PTAFR: variants seen among roughly 807,000 people sequenced by gnomAD.
PTAFR encodes the protein platelet activating factor receptor, also known as platelet-activating factor receptor.
Under a neutral mutation model 14.7 loss-of-function variants are expected in PTAFR, and 8 were observed. The ratio of observed to expected loss-of-function variants is 0.54; its 90% CI spans 0.32 to 0.98. The LOEUF is 0.98. PTAFR is among the 50% of genes least tolerant of loss of function. The pLI is 0.04. For missense variants in PTAFR, 337 were observed against 451.2 expected (o/e 0.75, Z 2.29); for synonymous variants, 156 against 176.5 (o/e 0.88, Z 0.92).
chr1:28,189,528 G>A (rs1256673591), intron 1 of PTAFR, among the ~76,000 whole-genome samples: 1 of 151,728 alleles, frequency 6.6e-6, no homozygotes, highest in African/African-American at 2.4e-5. Flanking sequence ...CAGGAGAATC[G>A]CTTGAACCCA....
At chr1:28,162,008 G>A (rs767858379) in intron 1 of PTAFR, among the ~76,000 whole-genome samples, 16 of 152,184 alleles carry the variant, frequency 1.1e-4, no homozygotes, top group Non-Finnish European at 2.2e-4. Context: ...AAAGGTTGGT[G>A]TGGCCCTAGG....
At chr1:28,157,446 T>C (rs1646277539) in intron 1 of PTAFR, among the ~76,000 whole-genome samples, 3 of 150,032 alleles carry the variant, frequency 2.0e-5, no homozygotes, top group Non-Finnish European at 4.5e-5. Context: ...GGATTACGGG[T>C]GTGAGCCACT....
At chr1:28,165,950 A>T (rs1157862816) in intron 1 of PTAFR, among the ~76,000 whole-genome samples, 1 of 152,218 alleles carries the variant, frequency 6.6e-6, no homozygotes, top group African/African-American at 2.4e-5. Flanking sequence ...TTTTACAGAA[A>T]TTTTTTAAAA....
chr1:28,191,764 T>A (rs563129367), intron 1 of PTAFR, among the ~76,000 whole-genome samples: 64 of 150,904 alleles, frequency 4.2e-4, no homozygotes, highest in Non-Finnish European at 6.8e-4. Context: ...TTTTTTTTTT[T>A]AATTAAAAAA....
chr1:28,150,911 C>CA lies in PTAFR; in HGVS notation c.110dup (p.Trp38ValfsTer14). On this transcript the variant is annotated frameshift_variant, in exon 2 of 2. Coordinates refer to ENST00000373857, the MANE Select transcript of PTAFR (RefSeq NM_000952.5). LOFTEE classifies it high-confidence loss of function. This position sits in a 1 kb window ranked among gnomAD's most constrained non-coding sequence, Gnocchi z 6.3. ...AAGGGTACAGGCGGGCAAAGACCCA[C>CA]AGCACGTAGCCATTAGCAATGACCC... 1 of 1,614,038 alleles carries CA rather than the reference C, an allele frequency of 6.2e-7. No homozygotes were observed. Among genetic ancestry groups the CA allele is most frequent in the Non-Finnish European group, 8.5e-7 (1 of 1,179,976 alleles).
intron 1 of PTAFR, among the ~76,000 whole-genome samples, chr1:28,168,033 G>A (rs1396048247): frequency 1.9e-4 from 24 of 129,408 alleles, no homozygotes; most frequent in Non-Finnish European, 2.5e-4. Context: ...ATCTCGGCTC[G>A]CTGCAAGCTC....
intron 1 of PTAFR, among the ~76,000 whole-genome samples, chr1:28,186,726 A>G (rs1234499690): frequency 6.6e-6 from 1 of 152,112 alleles, no homozygotes; most frequent in Non-Finnish European, 1.5e-5. Context: ...GGAGTTCAAG[A>G]TCAGCCTGGG....
At chr1:28,170,577 G>A (rs756840482) in intron 1 of PTAFR, among the ~76,000 whole-genome samples, 41 of 152,094 alleles carry the variant, frequency 2.7e-4, no homozygotes, top group Middle Eastern at 3.2e-3. Context: ...GCCAGGCATG[G>A]TGGCACATGC....
upstream of PTAFR, among the ~76,000 whole-genome samples, chr1:28,180,618 C>T (rs2149005969): frequency 6.6e-6 from 1 of 152,220 alleles, no homozygotes; most frequent in South Asian, 2.1e-4. Context: ...ATCACCAATC[C>T]CACAGTGGGT....
upstream of PTAFR, among the ~76,000 whole-genome samples, chr1:28,177,464 G>A (rs1278820740): frequency 1.3e-5 from 2 of 152,162 alleles, no homozygotes; most frequent in African/African-American, 4.8e-5. Context: ...GTTTTGCCTA[G>A]GTTGGTCTCA....
intron 1 of PTAFR, among the ~76,000 whole-genome samples, chr1:28,162,168 G>T (rs755249571): frequency 6.6e-6 from 1 of 152,166 alleles, no homozygotes; most frequent in African/African-American, 2.4e-5. Context: ...GATCGGACTC[G>T]CTCTAGCTGT....
At chr1:28,161,461 A>C (rs974909398) in intron 1 of PTAFR, among the ~76,000 whole-genome samples, 1 of 152,196 alleles carries the variant, frequency 6.6e-6, no homozygotes. Flanking sequence ...GAATTTAATG[A>C]AGGAAATAAA....
At position 28,153,177 on chromosome 1, in the gene PTAFR, T is replaced by C. The variant is rs577983676; in HGVS notation, c.-38-2118A>G. Among the ~76,000 whole-genome samples the C allele has an allele frequency of 3.1e-3, 473 of 152,288 alleles. 5 individuals carry two copies. Among genetic ancestry groups the C allele is most frequent in the Non-Finnish European group, 2.2e-3 (152 of 68,030 alleles). ...TTAGCCAGGCATAGTGGTGCACGCC[T>C]GTAGTCTCAGCTACTCAGGGTACTG... is the stretch of plus-strand genomic sequence containing the variant. On this transcript the variant is annotated intron_variant, in intron 1 of 1. Transcript: ENST00000373857.
chr1:28,179,677 G>C (rs77587907), upstream of PTAFR, among the ~76,000 whole-genome samples: 1 of 151,908 alleles, frequency 6.6e-6, no homozygotes, highest in African/African-American at 2.4e-5. Context: ...ATTAAAAAAA[G>C]AGCCAGGCAT....
chr1:28,182,702 C>T (rs1007770182), intron 1 of PTAFR, among the ~76,000 whole-genome samples: 5 of 151,906 alleles, frequency 3.3e-5, no homozygotes, highest in African/African-American at 4.8e-5. Flanking sequence ...CTTTTTGAGA[C>T]GGAGTCTCAC....
intron 1 of PTAFR, among the ~76,000 whole-genome samples, chr1:28,159,113 A>G (rs1646297493): frequency 6.6e-6 from 1 of 152,158 alleles, no homozygotes; most frequent in South Asian, 2.1e-4. Flanking sequence ...GTCTGTCTTC[A>G]TGGAGAAGAC....
intron 1 of PTAFR, among the ~76,000 whole-genome samples, chr1:28,152,101 T>C (rs1646196689): frequency 6.6e-6 from 1 of 152,196 alleles, no homozygotes; most frequent in Admixed American, 6.5e-5. Flanking sequence ...TTTGCTATGT[T>C]GCCCATGCTG....
intron 1 of PTAFR, among the ~76,000 whole-genome samples, chr1:28,168,009 A>G (rs1195714722): frequency 3.4e-5 from 4 of 117,204 alleles, no homozygotes; most frequent in South Asian, 2.8e-4. Flanking sequence ...CGCAGGCTGG[A>G]GTGCAGTGGC....
intron 1 of PTAFR, among the ~76,000 whole-genome samples, chr1:28,153,815 G>A (rs1430509119): frequency 1.3e-5 from 2 of 151,950 alleles, no homozygotes; most frequent in South Asian, 2.1e-4. Context: ...TTAAACCCGG[G>A]AGGCGGAGAT....
Sources: gnomAD v4.1 joint callset for allele counts (sites outside exome capture counted in the v4.1 genomes callset) on GRCh38, gnomAD v4.1.1 for gene constraint, Gnocchi (gnomAD v3.1) non-coding constraint, MANE v1.5 for transcripts, NCBI Gene and HGNC (gene_info 2026-07-23, HGNC 2026-07-21) for gene names.